P2RY8: variants seen among roughly 807,000 people sequenced by gnomAD.
P2RY8 encodes the protein S-geranylgeranyl-glutathione receptor P2RY8.
Under a neutral mutation model 10.0 loss-of-function variants are expected in P2RY8, and 6 were observed. The observed-to-expected ratio is 0.60, with a 90% CI of 0.33 to 1.19. The LOEUF (loss-of-function observed/expected upper bound fraction) is 1.19, where lower values mean the gene tolerates loss of function less well. Ranked by LOEUF, P2RY8 falls within the 50% of genes most tolerant of loss-of-function variation. The probability of loss-of-function intolerance (pLI) is 0.04; values close to 1 mark genes in which losing one functional copy is unlikely to be tolerated. For synonymous variants in P2RY8, 276 were observed against 252.5 expected, an observed-to-expected ratio of 1.09 and a Z score of -0.88; for missense variants, 456 against 542.0, an observed-to-expected ratio of 0.84 and a Z score of 1.58.
intron 1 of P2RY8, among the ~76,000 whole-genome samples, chrX:1,479,268 A>G (rs2091910074): frequency 6.6e-6 from 1 of 152,218 alleles, no homozygotes; most frequent in Admixed American, 6.5e-5. Flanking sequence ...AGTAGGACAT[A>G]CACCCGTCAC....
chrX:1,535,720 C>CACAG (rs1556688276), intron 1 of P2RY8, among the ~76,000 whole-genome samples: 44 of 58,748 alleles, frequency 7.5e-4, no homozygotes, highest in Admixed American at 9.9e-4. Flanking sequence ...CACACAGACA[C>CACAG]ACACACAGAC....
At chrX:1,492,375 GGA>G (rs1446956037) in intron 1 of P2RY8, among the ~76,000 whole-genome samples, 1 of 152,146 alleles carries the variant, frequency 6.6e-6, no homozygotes, top group African/African-American at 2.4e-5. Flanking sequence ...GTGGGTGCCA[GGA>G]GAGAGAGGGT....
intron 1 of P2RY8, among the ~76,000 whole-genome samples, chrX:1,527,836 C>T (rs2092449296): frequency 6.6e-6 from 1 of 152,166 alleles, no homozygotes; most frequent in South Asian, 2.1e-4. Context: ...ATTCATTCAC[C>T]CATCTATTTA....
chrX:1,487,429 G>C (rs6644710), intron 1 of P2RY8, among the ~76,000 whole-genome samples: 34,014 of 152,002 alleles, frequency 0.22, 4,304 homozygotes, highest in African/African-American at 0.34. Flanking sequence ...TTACATATGG[G>C]GACACTGAGG....
chrX:1,489,520 G>A (rs1229089346), intron 1 of P2RY8, among the ~76,000 whole-genome samples: 6 of 152,184 alleles, frequency 3.9e-5, no homozygotes, highest in African/African-American at 1.4e-4. Context: ...AAATGTGGAG[G>A]GAATGAATGA....
Position 1,465,137 on chromosome X carries a change from G to A in P2RY8, c.*342C>T, listed in dbSNP as rs1205797195. 4 of 401,026 alleles carry A rather than the reference G, an allele frequency of 1.0e-5. No homozygotes were observed. The highest frequency in any genetic ancestry group is 1.8e-5 in the Non-Finnish European group (4 of 222,786). The allele number at this position is 401,026 out of a possible 1,614,324, so 24.8% of individuals were successfully genotyped here. ...GTGTCTAAGGAGCTCGGGGGTGACA[G>A]CCCAGCTCTACTAAAAAAAATACAA... is the stretch of plus-strand genomic sequence containing the variant. On this transcript the variant is annotated 3_prime_UTR_variant, in exon 2 of 2. Coordinates refer to ENST00000381297, the MANE Select transcript of P2RY8 (RefSeq NM_178129.5).
intron 1 of P2RY8, among the ~76,000 whole-genome samples, chrX:1,500,358 G>C (rs1187530082): frequency 6.6e-6 from 1 of 151,790 alleles, no homozygotes; most frequent in East Asian, 1.9e-4. Context: ...GCTCACAGCA[G>C]CCTTGAACTC....
intron 1 of P2RY8, among the ~76,000 whole-genome samples, chrX:1,529,947 G>A (rs1424134566): frequency 2.0e-5 from 3 of 151,826 alleles, no homozygotes; most frequent in South Asian, 2.1e-4. Context: ...GGTGGATCCC[G>A]GGGATGCTTC....
At chrX:1,493,403 GGAA>G (rs758596396) in intron 1 of P2RY8, among the ~76,000 whole-genome samples, 13,514 of 45,848 alleles carry the variant, frequency 0.29, 2,087 homozygotes, top group East Asian at 0.51. Flanking sequence ...GAGGGAAGGA[GGAA>G]GGAGGAGGAA....
chrX:1,488,960 C>A (rs1349133116), intron 1 of P2RY8, among the ~76,000 whole-genome samples: 1 of 148,550 alleles, frequency 6.7e-6, no homozygotes, highest in Non-Finnish European at 1.5e-5. Context: ...TGAATGGCAT[C>A]CAGGGTACAC....
chrX:1,520,618 C>G (rs1367987171), intron 1 of P2RY8, among the ~76,000 whole-genome samples: 1 of 151,858 alleles, frequency 6.6e-6, no homozygotes, highest in Non-Finnish European at 1.5e-5. Flanking sequence ...CCCCAATCCT[C>G]TCCCTGATCC....
At chrX:1,526,886 ATTTCT>A (rs1166495756) in intron 1 of P2RY8, among the ~76,000 whole-genome samples, 174 of 151,826 alleles carry the variant, frequency 1.1e-3, no homozygotes, top group South Asian at 6.7e-3. Context: ...CTATTCATTC[ATTTCT>A]TTTCTTTTCT....
chrX:1,488,065 G>T lies in P2RY8; in HGVS notation c.-24-21483C>A, dbSNP rs6645254. ...GTGGAGGTTGCGGTGAGCCAAGATC[G>T]TGCCGCTGCACTCCAGCCTGGCCAA... On this transcript the variant is annotated intron_variant, in intron 1 of 1. Coordinates refer to ENST00000381297, the MANE Select transcript of P2RY8 (RefSeq NM_178129.5). Among the ~76,000 whole-genome samples the T allele has an allele frequency of 3.3e-3, 502 of 151,896 alleles. 9 individuals are homozygous for T. The East Asian group carries it at 0.051, about 15-fold the overall frequency.
intron 1 of P2RY8, among the ~76,000 whole-genome samples, chrX:1,491,264 A>G (rs1186018563): frequency 3.9e-5 from 6 of 152,152 alleles, no homozygotes; most frequent in Non-Finnish European, 5.9e-5. Context: ...TCACTTCTGC[A>G]AATGTAGAGA....
intron 1 of P2RY8, among the ~76,000 whole-genome samples, chrX:1,521,197 C>A (rs1210179331): frequency 1.3e-5 from 2 of 151,750 alleles, no homozygotes; most frequent in Non-Finnish European, 2.9e-5. Flanking sequence ...TACAGGCATG[C>A]TCCACCACGT....
intron 1 of P2RY8, among the ~76,000 whole-genome samples, chrX:1,506,965 C>T (rs57222568): frequency 0.23 from 34,200 of 151,984 alleles, 4,060 homozygotes; most frequent in Admixed American, 0.29. Context: ...CGTGAGCCAC[C>T]GCGCCCGGCC....
At chrX:1,508,899 A>G (rs2092261723) in intron 1 of P2RY8, among the ~76,000 whole-genome samples, 1 of 127,838 alleles carries the variant, frequency 7.8e-6, no homozygotes, top group Non-Finnish European at 1.7e-5. Context: ...TCATCTATGT[A>G]TCTATGTATC....
chrX:1,477,018 G>A (rs1179223196), intron 1 of P2RY8, among the ~76,000 whole-genome samples: 4 of 151,838 alleles, frequency 2.6e-5, no homozygotes, highest in African/African-American at 9.7e-5. Flanking sequence ...GTGAAGCCCC[G>A]TCTCTACTCA....
intron 1 of P2RY8, among the ~76,000 whole-genome samples, chrX:1,477,007 G>A (rs1471483557): frequency 5.3e-5 from 8 of 151,998 alleles, no homozygotes; most frequent in Non-Finnish European, 1.0e-4. Flanking sequence ...TGGCCAACAC[G>A]GTGAAGCCCC....
Sources: gnomAD v4.1 joint callset for allele counts (sites outside exome capture counted in the v4.1 genomes callset) on GRCh38, gnomAD v4.1.1 for gene constraint, MANE v1.5 for transcripts, NCBI Gene and HGNC (gene_info 2026-07-23, HGNC 2026-07-21) for gene names.